Variants in TPRG1 observed in about 807,000 individuals in gnomAD.
TPRG1 encodes tumor protein p63-regulated gene 1 protein.
In TPRG1, 29 loss-of-function variants were observed where a neutral mutation model predicts 29.3. That is an observed-to-expected ratio of 0.99 (90% CI 0.74 to 1.35). The LOEUF (loss-of-function observed/expected upper bound fraction) is 1.35. Ranked by LOEUF, TPRG1 falls within the 40% of genes most tolerant of loss-of-function variation. TPRG1 has a pLI of 0.00. For missense variants in TPRG1, 327 were observed against 335.0 expected (o/e 0.98, Z 0.19); for synonymous variants, 130 against 116.8 (o/e 1.11, Z -0.73).
At chr3:189,056,101 C>CTTCCTTCT in intron 4 of TPRG1, among the ~76,000 whole-genome samples, 2 of 121,936 alleles carry the variant, frequency 1.6e-5, no homozygotes, top group Non-Finnish European at 3.3e-5. Flanking sequence ...TCCTTCCTTC[C>CTTCCTTCT]CTCTTTCTTT....
intron 3 of TPRG1, among the ~76,000 whole-genome samples, chr3:189,233,910 C>A (rs1392524041): frequency 6.6e-6 from 1 of 152,064 alleles, no homozygotes; most frequent in African/African-American, 2.4e-5. Flanking sequence ...TCATTTTGTA[C>A]CCCAGGCTGG....
At chr3:189,319,018 A>G (rs1723978192) in intron 5 of TPRG1, among the ~76,000 whole-genome samples, 1 of 152,138 alleles carries the variant, frequency 6.6e-6, no homozygotes, top group African/African-American at 2.4e-5. Context: ...GTTATTTGGT[A>G]TTGGGTAGAT....
rs142773545 is a variant in TPRG1, at chr3:189,255,180, A to G, written c.479+16271A>G. On this transcript the variant is annotated intron_variant, in intron 4 of 5. Transcript: ENST00000345063. ...GGGTTTCTCATAAATAGCTCCTCTT[A>G]TTTTGAGATATGTTCCATCAATACC... Among the ~76,000 whole-genome samples the G allele has an allele frequency of 5.7e-3, 871 of 152,180 alleles. 8 individuals are homozygous for G. The highest frequency in any genetic ancestry group is 0.019 in the African/African-American group (809 of 41,496).
intron 4 of TPRG1, among the ~76,000 whole-genome samples, chr3:189,040,476 A>G (rs1714559564): frequency 6.6e-6 from 1 of 151,618 alleles, no homozygotes; most frequent in Non-Finnish European, 1.5e-5. Context: ...GAGTTATACC[A>G]AGGGTTCTGT....
chr3:189,264,459 T>A (rs554771396), intron 4 of TPRG1, among the ~76,000 whole-genome samples: 16 of 152,214 alleles, frequency 1.1e-4, no homozygotes, highest in Non-Finnish European at 1.6e-4. Flanking sequence ...TCTTTTTCTT[T>A]CTCCTTTTTG....
intron 1 of TPRG1, chr3:189,121,546 A>G (rs1022333079): frequency 4.6e-5 from 7 of 152,226 alleles, no homozygotes; most frequent in African/African-American, 1.7e-4. Context: ...AATCTATATC[A>G]GACTGTAATT....
chr3:189,127,542 G>A (rs996192866), intron 2 of TPRG1, among the ~76,000 whole-genome samples: 22 of 152,258 alleles, frequency 1.4e-4, no homozygotes, highest in African/African-American at 3.1e-4. Flanking sequence ...TGGAGATACC[G>A]TAGGGCATCT....
intron 3 of TPRG1, among the ~76,000 whole-genome samples, chr3:189,228,337 G>C (rs1044276347): frequency 2.6e-5 from 4 of 151,600 alleles, no homozygotes; most frequent in Non-Finnish European, 2.9e-5. Context: ...CTATAGATCA[G>C]TATTCCTCAT....
In TPRG1 at chr3:189,197,036, C is replaced by A. The variant is rs183280444; in HGVS notation, c.-9-10340C>A. Among the ~76,000 whole-genome samples, 732 of 152,244 alleles carry A rather than the reference C, an allele frequency of 4.8e-3. 3 individuals carry two copies. The highest frequency in any genetic ancestry group is 8.1e-3 in the Non-Finnish European group (554 of 68,020). On this transcript the variant is annotated intron_variant, in intron 1 of 5. Coordinates refer to ENST00000345063, the MANE Select transcript of TPRG1 (RefSeq NM_198485.4). ...GTTTGTTCTCACTGCTGCCTGGCAC[C>A]AGGATTGATGCTGGGAAGGTAGTAA...
chr3:189,115,019 T>A (rs960784422), intron 1 of TPRG1, among the ~76,000 whole-genome samples: 2 of 152,172 alleles, frequency 1.3e-5, no homozygotes, highest in Non-Finnish European at 2.9e-5. Context: ...AGGGCACTTA[T>A]CCTTGTTTTA....
At chr3:189,250,660 T>C (rs1742091239) in intron 4 of TPRG1, among the ~76,000 whole-genome samples, 1 of 144,366 alleles carries the variant, frequency 6.9e-6, no homozygotes, top group Non-Finnish European at 1.5e-5. Context: ...GAGAAAAGAG[T>C]AGGAGGCAAG....
rs553847237 is a variant in TPRG1 at position 189,320,992 on chromosome 3, A to G, written c.*172A>G. The G allele has an allele frequency of 7.0e-6, 4 of 567,718 alleles. No individual in the cohort carries two copies. The highest frequency in any genetic ancestry group is 3.0e-5 in the East Asian group (1 of 32,826). The allele number at this position is 567,718 out of a possible 1,614,324, so 35.2% of individuals were successfully genotyped here. Reference sequence around the variant, plus strand: ...AAAGCTTGATTGGACTGATAGATACACACTTTAGACCTCATACAAGAATAA... The same window carrying G: ...AAAGCTTGATTGGACTGATAGATACGCACTTTAGACCTCATACAAGAATAA... On this transcript the variant is annotated 3_prime_UTR_variant, in exon 6 of 6. Coordinates refer to ENST00000345063, the MANE Select transcript of TPRG1 (RefSeq NM_198485.4).
Position 189,144,102 on chromosome 3 carries a change from CT to C in TPRG1, c.-290-3481del, listed in dbSNP as rs1724932998. Among the ~76,000 whole-genome samples, 2 of 152,178 alleles carry C rather than the reference CT, an allele frequency of 1.3e-5. 1 individual carries two copies. Among genetic ancestry groups the C allele is most frequent in the South Asian group, 4.1e-4 (2 of 4,824 alleles). ...ACGATTTTAAAACTTTGAGTTATCT[CT>C]GTTAAGAGTATACATATTCTCATTA... On this transcript the variant is annotated intron_variant, in intron 3 of 6. Transcript: ENST00000412373.
intron 1 of TPRG1, among the ~76,000 whole-genome samples, chr3:189,184,863 G>C (rs1313580069): frequency 6.6e-6 from 1 of 152,130 alleles, no homozygotes; most frequent in Non-Finnish European, 1.5e-5. Flanking sequence ...TAGCAGTGGG[G>C]GTGAGATTCG....
At chr3:189,049,243 A>G (rs1578242902) in intron 4 of TPRG1, among the ~76,000 whole-genome samples, 1 of 152,226 alleles carries the variant, frequency 6.6e-6, no homozygotes, top group African/African-American at 2.4e-5. Context: ...AGATAGCCTC[A>G]GGCAAGTTTT....
intron 4 of TPRG1, among the ~76,000 whole-genome samples, chr3:189,056,061 C>T (rs1428971176): frequency 1.1e-4 from 14 of 130,920 alleles, no homozygotes; most frequent in Admixed American, 6.5e-4. Flanking sequence ...TCCTTCCTTC[C>T]TTCCTTCCTT....
chr3:189,135,298 G>A (rs73055403), intron 3 of TPRG1, among the ~76,000 whole-genome samples: 4,849 of 152,240 alleles, frequency 0.032, 178 homozygotes, highest in African/African-American at 0.085. Context: ...CTTCTTGAGC[G>A]TCAACATCAC....
At chr3:189,008,535 T>A (rs917880317) in intron 3 of TPRG1, among the ~76,000 whole-genome samples, 2 of 152,214 alleles carry the variant, frequency 1.3e-5, no homozygotes, top group African/African-American at 4.8e-5. Flanking sequence ...CAAGAATTAG[T>A]ACAATTTTAC....
chr3:189,194,012 G>T (rs1191972736), intron 1 of TPRG1, among the ~76,000 whole-genome samples: 2 of 150,516 alleles, frequency 1.3e-5, no homozygotes, highest in Non-Finnish European at 2.9e-5. Flanking sequence ...GTTGCTGTCT[G>T]TGCATATGGT....
Sources: gnomAD v4.1 joint callset for allele counts (sites outside exome capture counted in the v4.1 genomes callset) on GRCh38, gnomAD v4.1.1 for gene constraint, MANE v1.5 for transcripts, NCBI Gene and HGNC (gene_info 2026-07-23, HGNC 2026-07-21) for gene names.